The following CFAP58 variants were observed in gnomAD, a reference collection of about 807,000 sequenced individuals.
CFAP58 encodes the protein cilia and flagella associated protein 58.
Under a neutral mutation model 119.5 loss-of-function variants are expected in CFAP58, and 88 were observed. The ratio of observed to expected loss-of-function variants is 0.74; its 90% CI spans 0.62 to 0.88. CFAP58 has a LOEUF of 0.88. Ranked by LOEUF, CFAP58 falls within the 40% of genes least tolerant of loss-of-function variation. The pLI is 0.00. For missense variants in CFAP58, 990 were observed against 1,021.2 expected (o/e 0.97, Z 0.42); for synonymous variants, 365 against 366.3 (o/e 1.00, Z 0.04).
At chr10:104,386,062 CT>C (rs34685828) in intron 9 of CFAP58, among the ~76,000 whole-genome samples, 65,334 of 140,342 alleles carry the variant, frequency 0.47, 14,567 homozygotes, top group Middle Eastern at 0.57. Flanking sequence ...TCCTTTTTTG[CT>C]TTTTTTTTTT....
At chr10:104,415,056 G>A (rs560657947) in intron 15 of CFAP58, among the ~76,000 whole-genome samples, 7 of 152,264 alleles carry the variant, frequency 4.6e-5, no homozygotes, top group South Asian at 2.1e-4. Context: ...CACAGACCTC[G>A]TCCCAGCCTT....
At chr10:104,366,438 TA>T (rs1347596815) in intron 5 of CFAP58, among the ~76,000 whole-genome samples, 17 of 152,178 alleles carry the variant, frequency 1.1e-4, no homozygotes, top group Non-Finnish European at 2.2e-4. Flanking sequence ...TCCTGAATTC[TA>T]AGCAGAGTTT....
At chr10:104,342,141 G>C in the CFAP58 span, among the ~76,000 whole-genome samples, 3 of 152,164 alleles carry the variant, frequency 2.0e-5, no homozygotes, top group Non-Finnish European at 4.4e-5. Context: ...GCTGATCAAA[G>C]GATATGTGCA....
chr10:104,395,070 A>G (rs1208721587), intron 11 of CFAP58, among the ~76,000 whole-genome samples: 2 of 152,232 alleles, frequency 1.3e-5, no homozygotes, highest in African/African-American at 4.8e-5. Context: ...TTATTACTCC[A>G]TAATGGGGTC....
chr10:104,348,813 A>G, the CFAP58 span, among the ~76,000 whole-genome samples: 3 of 152,196 alleles, frequency 2.0e-5, no homozygotes, highest in African/African-American at 7.2e-5. Flanking sequence ...TTAAGATGTC[A>G]TGGTTCACTG....
intron 15 of CFAP58, among the ~76,000 whole-genome samples, chr10:104,446,054 G>A (rs1356467167): frequency 6.6e-6 from 1 of 152,198 alleles, no homozygotes; most frequent in Admixed American, 6.5e-5. Context: ...CTGTTTCATG[G>A]ACTTCTCCAC....
chr10:104,350,112 CAA>C (rs2014442863), upstream of CFAP58, among the ~76,000 whole-genome samples: 1 of 152,340 alleles, frequency 6.6e-6, no homozygotes, highest in African/African-American at 2.4e-5. Context: ...TTGGCGTGCA[CAA>C]TTTGCTTCTC....
At chr10:104,380,564 C>T (rs1439342690) in intron 9 of CFAP58, among the ~76,000 whole-genome samples, 1 of 152,072 alleles carries the variant, frequency 6.6e-6, no homozygotes, top group African/African-American at 2.4e-5. Context: ...GTCTCCGCAC[C>T]CACCCAGCAT....
intron 2 of CFAP58, 50 bp downstream of exon 2, chr10:104,358,672 T>C: frequency 6.5e-7 from 1 of 1,550,232 alleles, no homozygotes; most frequent in Non-Finnish European, 8.8e-7. Context: ...AACATCATTC[T>C]CTCATTATAT....
intron 15 of CFAP58, among the ~76,000 whole-genome samples, chr10:104,433,337 C>T (rs1465625002): frequency 6.6e-6 from 1 of 152,190 alleles, no homozygotes; most frequent in Non-Finnish European, 1.5e-5. Context: ...ATCCTTCCAC[C>T]TTAGCCTCCC....
chr10:104,348,465 T>C, the CFAP58 span, among the ~76,000 whole-genome samples: 2 of 152,188 alleles, frequency 1.3e-5, no homozygotes, highest in African/African-American at 4.8e-5. Flanking sequence ...ATAAGGAGCT[T>C]TGCAGAGGTA....
chr10:104,375,787 G>A (rs967562812), intron 7 of CFAP58, among the ~76,000 whole-genome samples: 3 of 150,008 alleles, frequency 2.0e-5, no homozygotes, highest in African/African-American at 4.9e-5. Context: ...GGTGGATGGG[G>A]TCGGGGGGGG....
At chr10:104,446,763 A>G (rs186077914) in intron 15 of CFAP58, among the ~76,000 whole-genome samples, 149 of 152,344 alleles carry the variant, frequency 9.8e-4, no homozygotes, top group Non-Finnish European at 1.1e-3. Flanking sequence ...TTAGAAATAA[A>G]TCTTTGCTTA....
chr10:104,381,966 C>T (rs914232084), intron 9 of CFAP58, among the ~76,000 whole-genome samples: 7 of 152,210 alleles, frequency 4.6e-5, no homozygotes, highest in Non-Finnish European at 8.8e-5. Flanking sequence ...CTGGTATTAT[C>T]GAGCTTGGAC....
intron 15 of CFAP58, among the ~76,000 whole-genome samples, chr10:104,444,772 C>G (rs1316876295): frequency 2.6e-5 from 4 of 152,198 alleles, no homozygotes; most frequent in Non-Finnish European, 4.4e-5. Flanking sequence ...TGCCCCCATT[C>G]CATTTGCCTC....
chr10:104,379,044 A>T (rs2011727947), intron 8 of CFAP58, among the ~76,000 whole-genome samples: 1 of 152,190 alleles, frequency 6.6e-6, no homozygotes, highest in Non-Finnish European at 1.5e-5. Flanking sequence ...TTAAATACAC[A>T]CAACACAAAA....
At chr10:104,362,481 C>T (rs1439808410) in intron 3 of CFAP58, among the ~76,000 whole-genome samples, 2 of 152,064 alleles carry the variant, frequency 1.3e-5, no homozygotes, top group Non-Finnish European at 2.9e-5. Flanking sequence ...AATTTTCTGC[C>T]CAGAGTCCCA....
chr10:104,369,956 G>A (rs1330867), intron 6 of CFAP58, among the ~76,000 whole-genome samples: 4,634 of 152,234 alleles, frequency 0.03, 105 homozygotes, highest in Admixed American at 0.045. Context: ...TCTTTGCTAG[G>A]ATTATTTTTG....
Position 104,412,339 on chromosome 10 carries a change from T to G in CFAP58, c.2256+5546T>G, listed in dbSNP as rs551597081. 6.8e-4 allele frequency among the ~76,000 whole-genome samples: 103 copies of G among 152,210 alleles called. 1 individual carries two copies. The highest frequency in any genetic ancestry group is 1.0e-3 in the Non-Finnish European group (71 of 68,026). Reference sequence around the variant, plus strand: ...ATTAATAATAGTATTATTATTAATATCATTAATTACCAGCACAGTTTTTCC... The same window carrying G: ...ATTAATAATAGTATTATTATTAATAGCATTAATTACCAGCACAGTTTTTCC... On this transcript the variant is annotated intron_variant, in intron 15 of 17. Coordinates refer to ENST00000369704, the MANE Select transcript of CFAP58 (RefSeq NM_001008723.2).
Sources: gnomAD v4.1 joint callset for allele counts (sites outside exome capture counted in the v4.1 genomes callset) on GRCh38, gnomAD v4.1.1 for gene constraint, MANE v1.5 for transcripts, NCBI Gene and HGNC (gene_info 2026-07-23, HGNC 2026-07-21) for gene names.